GALNT18: variants seen among roughly 807,000 people sequenced by gnomAD.
The protein encoded by GALNT18 is GalNAc-transferase 18.
A neutral mutation model predicts 69.5 loss-of-function variants in GALNT18; 44 were observed. The ratio of observed to expected loss-of-function variants is 0.63; its 90% CI spans 0.50 to 0.81. GALNT18 has a LOEUF of 0.81. GALNT18 is among the 40% of genes least tolerant of loss of function. The probability of loss-of-function intolerance (pLI) is 0.00; values close to 1 mark genes in which losing one functional copy is unlikely to be tolerated. For synonymous variants in GALNT18, 364 were observed against 318.2 expected (o/e 1.14, Z -1.53); for missense variants, 715 against 810.0 (o/e 0.88, Z 1.42).
rs1388888870 is a variant in GALNT18, at chr11:11,605,438, G to GCCGCCAGACA, written c.235+15920_235+15921insTGTCTGGCGG. Among the ~76,000 whole-genome samples the GCCGCCAGACA allele has an allele frequency of 6.6e-6, 1 of 152,164 alleles. No homozygotes were observed. The highest frequency in any genetic ancestry group is 1.5e-5 in the Non-Finnish European group (1 of 68,024). ...GAAACAGCAAGTCCTAACTTGCCAG[G>GCCGCCAGACA]CCGCCAGTCACCGCCACCCTGAAGA... On this transcript the variant is annotated intron_variant, in intron 1 of 10. Transcript: ENST00000227756. The surrounding 1 kb of genome is among the most constrained non-coding windows in gnomAD (Gnocchi z 4.7).
intron 10 of GALNT18, among the ~76,000 whole-genome samples, chr11:11,291,849 C>T (rs769341199): frequency 3.9e-4 from 60 of 152,194 alleles, no homozygotes; most frequent in Non-Finnish European, 2.4e-4. Context: ...ACCTAAGAGT[C>T]TCTGTAAGTG....
intron 10 of GALNT18, among the ~76,000 whole-genome samples, chr11:11,277,706 GTTCT>G (rs1848980085): frequency 6.6e-6 from 1 of 152,252 alleles, no homozygotes; most frequent in South Asian, 2.1e-4. Context: ...TTGTGTCTTT[GTTCT>G]CATTGGTTTC....
In GALNT18 at chr11:11,521,880, C is replaced by T. The variant is rs1222562786; in HGVS notation, c.236-72944G>A. 2.0e-5 allele frequency among the ~76,000 whole-genome samples: 3 copies of T among 152,204 alleles called. No individual in the cohort carries two copies. In the East Asian group the frequency reaches 5.8e-4, roughly 29 times the overall value. On this transcript the variant is annotated intron_variant, in intron 1 of 10. Coordinates refer to ENST00000227756, the MANE Select transcript of GALNT18 (RefSeq NM_198516.3). ...GCCAAATGGGTGGCTGCACCTGTTC[C>T]TGCAGTAATGTTGGCCCTACAGGGA... is the stretch of plus-strand genomic sequence containing the variant.
chr11:11,348,563 T>C (rs1441508196), intron 6 of GALNT18, among the ~76,000 whole-genome samples: 1 of 152,106 alleles, frequency 6.6e-6, no homozygotes. Flanking sequence ...ACCTTTAGTC[T>C]CCAGATAACA....
At chr11:11,441,293 G>A (rs1855527083) in intron 2 of GALNT18, among the ~76,000 whole-genome samples, 1 of 152,136 alleles carries the variant, frequency 6.6e-6, no homozygotes, top group African/African-American at 2.4e-5. Flanking sequence ...CCCTTTGTTT[G>A]TACAGTTAGT....
At position 11,456,875 on chromosome 11, in the gene GALNT18, A is replaced by G. The variant is rs187762007; in HGVS notation, c.236-7939T>C. ...CTCAGTGATATGCCCACAGTGCCTG[A>G]CACACAGCCCATTGATAAGAGTGGA... On this transcript the variant is annotated intron_variant, in intron 1 of 10. Coordinates refer to ENST00000227756, the MANE Select transcript of GALNT18 (RefSeq NM_198516.3). Among the ~76,000 whole-genome samples, 87 of 152,352 alleles carry G rather than the reference A, an allele frequency of 5.7e-4. No individual in the cohort carries two copies. In the South Asian group the frequency reaches 7.7e-3, roughly 13 times the overall value.
rs898344129 is a variant in GALNT18, at chr11:11,598,247, A to G, written c.235+23112T>C. On this transcript the variant is annotated intron_variant, in intron 1 of 10. Coordinates refer to ENST00000227756, the MANE Select transcript of GALNT18 (RefSeq NM_198516.3). The surrounding 1 kb of genome is among the most constrained non-coding windows in gnomAD (Gnocchi z 4.8). ...TAACAAATTATAACTGTAATCTATA[A>G]CAAATTATTATAAACCCAATGGCTT... Among the ~76,000 whole-genome samples the G allele has an allele frequency of 1.3e-5, 2 of 151,472 alleles. No homozygotes were observed. Among genetic ancestry groups the G allele is most frequent in the Non-Finnish European group, 2.9e-5 (2 of 68,024 alleles).
At chr11:11,378,334 G>T (rs555036432) in intron 4 of GALNT18, among the ~76,000 whole-genome samples, 20 of 152,272 alleles carry the variant, frequency 1.3e-4, no homozygotes, top group African/African-American at 4.3e-4. Flanking sequence ...TTGATAAAAG[G>T]GTGGCCACCT....
Position 11,465,444 on chromosome 11 carries a change from G to T in GALNT18, c.236-16508C>A, listed in dbSNP as rs1319169163. 6.6e-6 allele frequency among the ~76,000 whole-genome samples: 1 copy of T among 152,150 alleles called. No homozygotes were observed. The highest frequency in any genetic ancestry group is 1.5e-5 in the Non-Finnish European group (1 of 68,030). ...GAGTGCTGCTCCTCCAGGCTGCACG[G>T]ACGGTGTCACGCTGCCCTCTGATCC... On this transcript the variant is annotated intron_variant, in intron 1 of 10. Coordinates refer to ENST00000227756, the MANE Select transcript of GALNT18 (RefSeq NM_198516.3). The surrounding 1 kb of genome is among the most constrained non-coding windows in gnomAD (Gnocchi z 5.7).
intron 1 of GALNT18, among the ~76,000 whole-genome samples, chr11:11,547,635 A>C (rs1858090040): frequency 6.6e-6 from 1 of 152,146 alleles, no homozygotes. Context: ...CTGCTTGCTC[A>C]AGCAAGCCCC....
intron 1 of GALNT18, among the ~76,000 whole-genome samples, chr11:11,453,646 G>GGGGCAA (rs1482468206): frequency 6.6e-6 from 1 of 152,116 alleles, no homozygotes; most frequent in Non-Finnish European, 1.5e-5. Flanking sequence ...CTGAATCATG[G>GGGGCAA]GGGCAAGTCT....
At chr11:11,594,109 G>A (rs972400377) in intron 1 of GALNT18, among the ~76,000 whole-genome samples, 2 of 152,192 alleles carry the variant, frequency 1.3e-5, no homozygotes, top group Non-Finnish European at 2.9e-5. Context: ...ATGAGAGAGA[G>A]GAGAAAGCAC....
chr11:11,550,575 T>G, intron 1 of GALNT18, among the ~76,000 whole-genome samples: 1 of 152,214 alleles, frequency 6.6e-6, no homozygotes, highest in East Asian at 1.9e-4. Context: ...ATTTCCGAAG[T>G]TGTCCTAGAT....
intron 1 of GALNT18, among the ~76,000 whole-genome samples, chr11:11,529,638 T>TAC (rs765431311): frequency 1.7e-3 from 126 of 72,948 alleles, no homozygotes; most frequent in Middle Eastern, 0.011. Flanking sequence ...TATATATATA[T>TAC]ACACACACAC....
intron 1 of GALNT18, among the ~76,000 whole-genome samples, chr11:11,585,012 T>C (rs1253947124): frequency 1.3e-5 from 2 of 152,186 alleles, no homozygotes; most frequent in African/African-American, 2.4e-5. Flanking sequence ...ATGATATAAA[T>C]GGTAATATTA....
chr11:11,445,466 A>C (rs950456122), intron 2 of GALNT18, among the ~76,000 whole-genome samples: 4 of 152,218 alleles, frequency 2.6e-5, no homozygotes, highest in Admixed American at 2.6e-4. Context: ...TTCCAAAATG[A>C]ATTAAGAAGG....
In GALNT18 at chr11:11,415,250, A is replaced by G. The variant is rs896705047; in HGVS notation, c.595+17371T>C. Among the ~76,000 whole-genome samples, 1 of 152,146 alleles carries G rather than the reference A, an allele frequency of 6.6e-6. No individual in the cohort carries two copies. Among genetic ancestry groups the G allele is most frequent in the South Asian group, 2.1e-4 (1 of 4,822 alleles). On this transcript the variant is annotated intron_variant, in intron 3 of 10. Coordinates refer to ENST00000227756, the MANE Select transcript of GALNT18 (RefSeq NM_198516.3). The surrounding 1 kb of genome is among the most constrained non-coding windows in gnomAD (Gnocchi z 4.1). ...TTGGGGACCTTAATTACGTCAGCCA[A>G]TTCCCCTCACAGCAGGACTCAGATT...
At chr11:11,452,010 C>G (rs1471376520) in intron 1 of GALNT18, among the ~76,000 whole-genome samples, 1 of 152,108 alleles carries the variant, frequency 6.6e-6, no homozygotes, top group Non-Finnish European at 1.5e-5. Flanking sequence ...AGCTGAAGAG[C>G]AGAGTTGAGT....
In GALNT18 at chr11:11,596,778, ATG is replaced by A. The variant is rs1859509800; in HGVS notation, c.235+24579_235+24580del. ...AGTGGATTCCCTAGGATACATGATT[ATG>A]TCATCTGCAAACAGAGATAGTTTTA... On this transcript the variant is annotated intron_variant, in intron 1 of 10. Transcript: ENST00000227756. This position sits in a 1 kb window ranked among gnomAD's most constrained non-coding sequence, Gnocchi z 4.2. 6.6e-6 allele frequency among the ~76,000 whole-genome samples: 1 copy of A among 152,174 alleles called. No individual in the cohort carries two copies. Among genetic ancestry groups the A allele is most frequent in the African/African-American group, 2.4e-5 (1 of 41,446 alleles).
Sources: gnomAD v4.1 joint callset for allele counts (sites outside exome capture counted in the v4.1 genomes callset) on GRCh38, gnomAD v4.1.1 for gene constraint, Gnocchi (gnomAD v3.1) non-coding constraint, MANE v1.5 for transcripts, NCBI Gene and HGNC (gene_info 2026-07-23, HGNC 2026-07-21) for gene names.